The following CHMP7 variants were observed in gnomAD, a reference collection of about 807,000 sequenced individuals.
The protein encoded by CHMP7 is CHMP family, member 7.
A neutral mutation model predicts 53.7 loss-of-function variants in CHMP7; 15 were observed. The ratio of observed to expected loss-of-function variants is 0.28; its 90% CI spans 0.19 to 0.43. The LOEUF is 0.43. Among genes scored for constraint, CHMP7 ranks in the 20% least tolerant of loss-of-function variants. CHMP7 has a pLI of 1.00. For synonymous variants in CHMP7, 261 were observed against 228.0 expected (o/e 1.14, Z -1.30); for missense variants, 527 against 569.4 (o/e 0.93, Z 0.76).
chr8:23,257,403 T>G (rs1802179103), intron 5 of CHMP7, among the ~76,000 whole-genome samples: 1 of 152,152 alleles, frequency 6.6e-6, no homozygotes. Flanking sequence ...GCTGAAAACG[T>G]GAGTCTTAAT....
intron 3 of CHMP7, 179 bp from the exon 4 acceptor site, chr8:23,255,068 T>G: frequency 1.5e-6 from 1 of 646,810 alleles, no homozygotes; most frequent in Non-Finnish European, 2.7e-6. Context: ...CAAACTTTCC[T>G]CCAAGGCTTA....
At chr8:23,256,646 G>A in intron 5 of CHMP7, 53 bp downstream of exon 5, 2 of 1,547,464 alleles carry the variant, frequency 1.3e-6, no homozygotes, top group East Asian at 4.5e-5. Context: ...GGCCCCCAGA[G>A]CCAGCAAAAT....
Position 23,249,511 on chromosome 8 carries a change from A to G in CHMP7, c.471+130A>G, listed in dbSNP as rs1461502375. The G allele has an allele frequency of 9.2e-6, 6 of 654,630 alleles. No individual in the cohort carries two copies. The Admixed American group carries it at 2.1e-4, about 23-fold the overall frequency. The allele number at this position is 654,630 out of a possible 1,614,324, so 40.6% of individuals were successfully genotyped here. On this transcript the variant is annotated intron_variant, in intron 3 of 10. Transcript: ENST00000397677. ...GGCTACTGAGTTGATAACTGAGTTTATCTGCTCTCCCTTGTACTTGCACTT... is the reference window on the plus strand; with the variant it reads ...GGCTACTGAGTTGATAACTGAGTTTGTCTGCTCTCCCTTGTACTTGCACTT...
At position 23,260,726 on chromosome 8, in the gene CHMP7, T is replaced by G. The variant is rs960717683; in HGVS notation, c.*127T>G. 15 of 756,460 alleles carry G rather than the reference T, an allele frequency of 2.0e-5. No individual in the cohort carries two copies. The East Asian group carries it at 3.6e-4, about 18-fold the overall frequency. The allele number at this position is 756,460 out of a possible 1,614,324, so 46.9% of individuals were successfully genotyped here. On this transcript the variant is annotated 3_prime_UTR_variant, in exon 11 of 11. Coordinates refer to ENST00000397677, the MANE Select transcript of CHMP7 (RefSeq NM_152272.5). ...AGAAAGGAGAACCACTGATTTTATC[T>G]GGATGCTACTACTTACTACAGGACA...
rs770492213 is a variant in CHMP7, at chr8:23,258,458, T to C, written c.960+9T>C. 14 of 1,613,806 alleles carry C rather than the reference T, an allele frequency of 8.7e-6. No individual in the cohort carries two copies. The South Asian group carries it at 1.4e-4, about 16-fold the overall frequency. ...CCCAGACAGATCAGATGGTAGTCAC[T>C]CCCCTCTACTCCAGCACTTGGCTGG... On this transcript the variant is annotated intron_variant, in intron 7 of 10. Coordinates refer to ENST00000397677, the MANE Select transcript of CHMP7 (RefSeq NM_152272.5).
intron 2 of CHMP7, chr8:23,248,172 G>C (rs1245023013): frequency 2.0e-5 from 9 of 456,116 alleles, no homozygotes; most frequent in African/African-American, 8.0e-5. Flanking sequence ...CTGAAGCAGG[G>C]AACAGGAGAA....
At chr8:23,253,246 A>G (rs1232254456) in intron 3 of CHMP7, among the ~76,000 whole-genome samples, 1 of 152,186 alleles carries the variant, frequency 6.6e-6, no homozygotes, top group African/African-American at 2.4e-5. Flanking sequence ...ATCCACTGAT[A>G]GGTTGTATAC....
In CHMP7 at chr8:23,246,518, A is replaced by C. The variant is rs1348789676; in HGVS notation, c.-178A>C. 1.6e-6 allele frequency: 1 copy of C among 611,014 alleles called. No homozygotes were observed. Among genetic ancestry groups the C allele is most frequent in the Non-Finnish European group, 2.9e-6 (1 of 348,926 alleles). The allele number at this position is 611,014 out of a possible 1,614,324, so 37.8% of individuals were successfully genotyped here. A position where few individuals can be genotyped will look rare whatever the true frequency, so the allele number is the denominator to read the frequency against. On this transcript the variant is annotated 5_prime_UTR_variant, in exon 2 of 11. Coordinates refer to ENST00000397677, the MANE Select transcript of CHMP7 (RefSeq NM_152272.5). Reference sequence around the variant, plus strand: ...ACTTCATCATACTGCCTCCTGGCTGACGGAGCGCAGCGCAACGCATGCGCC... The same window carrying C: ...ACTTCATCATACTGCCTCCTGGCTGCCGGAGCGCAGCGCAACGCATGCGCC...
chr8:23,248,318 C>G, intron 2 of CHMP7: 1 of 392,592 alleles, frequency 2.5e-6, no homozygotes, highest in Non-Finnish European at 5.2e-6. Flanking sequence ...CTCCTGACTG[C>G]TGGTGCTCCA....
At chr8:23,245,119 A>C (rs886815377) in intron 1 of CHMP7, among the ~76,000 whole-genome samples, 5 of 152,122 alleles carry the variant, frequency 3.3e-5, no homozygotes, top group African/African-American at 4.8e-5. Context: ...TACAACTTTT[A>C]TTTCTTTTTC....
At chr8:23,258,225 G>T in intron 6 of CHMP7, 105 bp from the exon 7 acceptor site, 1 of 1,523,268 alleles carries the variant, frequency 6.6e-7, no homozygotes, top group Non-Finnish European at 9.1e-7. Flanking sequence ...TTTTACAGAT[G>T]GGAGGGAAGA....
intron 3 of CHMP7, among the ~76,000 whole-genome samples, chr8:23,253,670 T>C (rs371861043): frequency 6.6e-6 from 1 of 152,226 alleles, no homozygotes; most frequent in East Asian, 1.9e-4. Context: ...CCTGAATTTT[T>C]TCCTATTAAT....
chr8:23,244,818 A>G (rs951190863), intron 1 of CHMP7, among the ~76,000 whole-genome samples: 1 of 152,206 alleles, frequency 6.6e-6, no homozygotes, highest in African/African-American at 2.4e-5. Context: ...TTCTTTCATC[A>G]GAATTTTGTA....
In CHMP7 at chr8:23,261,956, T is replaced by A. The variant is rs1302521691; in HGVS notation, c.*1357T>A. 2 of 152,524 alleles carry A rather than the reference T, an allele frequency of 1.3e-5. No homozygotes were observed. The highest frequency in any genetic ancestry group is 2.9e-5 in the Non-Finnish European group (2 of 68,030). The allele number at this position is 152,524 out of a possible 1,614,324, so 9.4% of individuals were successfully genotyped here. A position where few individuals can be genotyped will look rare whatever the true frequency, so the allele number is the denominator to read the frequency against. The stretch of plus-strand genomic sequence containing the variant: ...GTGAAGAGAAACAATCACTATTTTT[T>A]TCTTTTTTATCTGGTAAATAATTAA... On this transcript the variant is annotated 3_prime_UTR_variant, in exon 11 of 11. Coordinates refer to ENST00000397677, the MANE Select transcript of CHMP7 (RefSeq NM_152272.5).
chr8:23,249,609 G>T (rs552391100), intron 3 of CHMP7, among the ~76,000 whole-genome samples: 9 of 152,264 alleles, frequency 5.9e-5, no homozygotes, highest in African/African-American at 2.2e-4. Context: ...GTTAACAGTG[G>T]ATTATTTTCT....
intron 2 of CHMP7, among the ~76,000 whole-genome samples, chr8:23,247,569 G>C (rs906746337): frequency 5.9e-5 from 9 of 152,192 alleles, no homozygotes; most frequent in Non-Finnish European, 5.9e-5. Flanking sequence ...AGATACGTGT[G>C]CGACAGGTGC....
intron 8 of CHMP7, 101 bp from the exon 9 acceptor site, chr8:23,258,965 T>A (rs1802255303): frequency 9.5e-7 from 1 of 1,057,646 alleles, no homozygotes; most frequent in South Asian, 1.3e-5. Context: ...TGATTCTCAC[T>A]TGGGGCAGGA....
At chr8:23,259,801 G>A (rs1042655523) in intron 9 of CHMP7, 2 of 218,348 alleles carry the variant, frequency 9.2e-6, no homozygotes, top group African/African-American at 2.3e-5. Context: ...AGCAGTCAGG[G>A]AATTGCCATT....
At chr8:23,259,609 C>T (rs1334287577) in intron 9 of CHMP7, among the ~76,000 whole-genome samples, 4 of 152,286 alleles carry the variant, frequency 2.6e-5, no homozygotes, top group South Asian at 4.1e-4. Flanking sequence ...CCGCCGGCCT[C>T]GGCCTCCCAA....
Sources: allele counts gnomAD v4.1 joint callset (sites outside exome capture counted in the v4.1 genomes callset), GRCh38; gene constraint gnomAD v4.1.1; transcripts MANE v1.5; gene names NCBI Gene and HGNC (gene_info 2026-07-23, HGNC 2026-07-21).